Variants in TDRD10 observed in about 807,000 individuals in gnomAD.
TDRD10 encodes tudor domain containing 10, also known as tudor domain-containing protein 10.
In TDRD10, 40 loss-of-function variants were observed where a neutral mutation model predicts 48.0. The observed-to-expected ratio is 0.83, with a 90% CI of 0.65 to 1.09. The LOEUF (loss-of-function observed/expected upper bound fraction) is 1.09, where lower values mean the gene tolerates loss of function less well. Among genes scored for constraint, TDRD10 ranks in the 50% least tolerant of loss-of-function variants. The pLI is 0.00. For missense variants in TDRD10, 378 were observed against 434.7 expected, an observed-to-expected ratio of 0.87 and a Z score of 1.16; for synonymous variants, 162 against 170.4, an observed-to-expected ratio of 0.95 and a Z score of 0.38.
chr1:154,503,759 CG>C (rs144241555), intron 1 of TDRD10, among the ~76,000 whole-genome samples: 3,399 of 152,294 alleles, frequency 0.022, 63 homozygotes, highest in Non-Finnish European at 0.037. Flanking sequence ...CGACTGTGGA[CG>C]GCCTCATTTG....
chr1:154,515,705 G>C, intron 4 of TDRD10, among the ~76,000 whole-genome samples: 1 of 151,986 alleles, frequency 6.6e-6, no homozygotes, highest in East Asian at 1.9e-4. Flanking sequence ...CACCACACCT[G>C]CTGCTTACTC....
Position 154,544,519 on chromosome 1 carries a change from T to C in TDRD10, c.797+2T>C, listed in dbSNP as rs1056418600. 1 of 1,613,392 alleles carries C rather than the reference T, an allele frequency of 6.2e-7. No individual in the cohort carries two copies. Among genetic ancestry groups the C allele is most frequent in the African/African-American group, 1.3e-5 (1 of 74,896 alleles). ...GGATTATGGACACGCCTGGAACAGG[T>C]GTGTGCCTGGGCAGGGGTAGAGTCT... is the stretch of plus-strand genomic sequence containing the variant. On this transcript the variant is annotated splice_donor_variant, in intron 10 of 12. Transcript: ENST00000368482. LOFTEE classifies it high-confidence loss of function.
intron 6 of TDRD10, among the ~76,000 whole-genome samples, chr1:154,523,057 C>G (rs1239032409): frequency 6.6e-6 from 1 of 152,114 alleles, no homozygotes; most frequent in Non-Finnish European, 1.5e-5. Flanking sequence ...GTGTGAACCA[C>G]CATGCCTGGC....
chr1:154,538,546 A>C (rs1251310124), intron 6 of TDRD10, among the ~76,000 whole-genome samples: 43 of 63,906 alleles, frequency 6.7e-4, no homozygotes, highest in African/African-American at 2.0e-3. Flanking sequence ...GCGAAACTCT[A>C]TCTCAAAAAA....
At position 154,521,387 on chromosome 1, in the gene TDRD10, A is replaced by G. The variant is rs762537151; in HGVS notation, c.277A>G (p.Lys93Glu). 6.2e-7 allele frequency: 1 copy of G among 1,614,140 alleles called. No individual in the cohort carries two copies. Among genetic ancestry groups the G allele is most frequent in the South Asian group, 1.1e-5 (1 of 91,082 alleles). Residue 93 changes from lysine (K) to glutamate (E), a missense_variant, in exon 6 of 13, where the codon AAA (lysine) becomes GAA (glutamate). Lys to Glu is a moderately conservative substitution (Grantham distance 56). Transcript: ENST00000368482. ...ACTTGCAATCCAGGAGCTGAATGGT[A>G]AACTCTTCCACAAGCGAAAACTGTT... ...VTLAIQELNG[K>E]LFHKRKLFVN... is the part of the protein sequence containing the mutation.
intron 6 of TDRD10, among the ~76,000 whole-genome samples, chr1:154,532,004 A>G (rs1360722583): frequency 6.6e-6 from 1 of 152,188 alleles, no homozygotes; most frequent in African/African-American, 2.4e-5. Flanking sequence ...TACCCACTAG[A>G]CTCAGGAACC....
At chr1:154,545,073 A>C in intron 11 of TDRD10, 124 bp downstream of exon 11, 2 of 1,323,884 alleles carry the variant, frequency 1.5e-6, no homozygotes, top group Middle Eastern at 2.0e-4. Context: ...CTTTCCACCC[A>C]ACCCCAGTTT....
At chr1:154,507,169 T>G in intron 2 of TDRD10, 72 bp from the exon 3 acceptor site, 1 of 1,495,524 alleles carries the variant, frequency 6.7e-7, no homozygotes, top group Non-Finnish European at 8.9e-7. Flanking sequence ...GCCCCTCTGC[T>G]TATGCCTGAC....
chr1:154,534,470 T>TTAAC (rs1439897787), intron 6 of TDRD10: 1 of 152,278 alleles, frequency 6.6e-6, no homozygotes, highest in East Asian at 1.9e-4. Flanking sequence ...CCTGGTGGTT[T>TTAAC]TCCATAGCCT....
intron 6 of TDRD10, 143 bp downstream of exon 6, chr1:154,521,622 C>A: frequency 1.1e-6 from 1 of 870,000 alleles, no homozygotes; most frequent in South Asian, 1.8e-5. Context: ...AGTCAGGGAA[C>A]TTTTATGACC....
intron 6 of TDRD10, 151 bp from the exon 7 acceptor site, chr1:154,541,873 G>A: frequency 1.5e-6 from 1 of 665,816 alleles, no homozygotes; most frequent in East Asian, 2.8e-5. Flanking sequence ...TGGAGAGAGT[G>A]GACGGATGTC....
At chr1:154,530,399 T>C (rs898242065) in intron 6 of TDRD10, among the ~76,000 whole-genome samples, 1 of 134,232 alleles carries the variant, frequency 7.4e-6, no homozygotes, top group Non-Finnish European at 1.7e-5. Context: ...GGTTTCCTTC[T>C]TTTTTTTTTT....
chr1:154,504,683 T>TACAAAAAA (rs1693044785), intron 1 of TDRD10, among the ~76,000 whole-genome samples: 1 of 152,240 alleles, frequency 6.6e-6, no homozygotes, highest in South Asian at 2.1e-4. Flanking sequence ...TCCAGAGAAA[T>TACAAAAAA]GTCTAGCAGA....
intron 6 of TDRD10, among the ~76,000 whole-genome samples, chr1:154,529,904 G>T (rs1694518763): frequency 6.6e-6 from 1 of 152,144 alleles, no homozygotes; most frequent in Non-Finnish European, 1.5e-5. Context: ...ACTGTTTAGA[G>T]AACTTCCTTT....
chr1:154,507,973 G>A (rs966218346), intron 3 of TDRD10, among the ~76,000 whole-genome samples: 7 of 152,140 alleles, frequency 4.6e-5, no homozygotes, highest in African/African-American at 1.7e-4. Flanking sequence ...CAACCCCGTG[G>A]GTCCCGAAAC....
chr1:154,508,724 C>T (rs1167804481), intron 4 of TDRD10, among the ~76,000 whole-genome samples: 2 of 152,162 alleles, frequency 1.3e-5, no homozygotes, highest in Non-Finnish European at 2.9e-5. Context: ...TCCCTGTATA[C>T]CTGGATGGTT....
At chr1:154,517,717 C>T (rs1438650260) in intron 4 of TDRD10, among the ~76,000 whole-genome samples, 2 of 152,132 alleles carry the variant, frequency 1.3e-5, no homozygotes, top group Non-Finnish European at 2.9e-5. Context: ...CCACCGCGCC[C>T]GGCTTGGACC....
chr1:154,522,132 G>T (rs1172410600), intron 6 of TDRD10, among the ~76,000 whole-genome samples: 1 of 152,166 alleles, frequency 6.6e-6, no homozygotes, highest in African/African-American at 2.4e-5. Context: ...ACAAGTTAGC[G>T]ATTTGTTTTT....
At chr1:154,528,764 TGA>T (rs1350088208) in intron 6 of TDRD10, among the ~76,000 whole-genome samples, 2 of 132,618 alleles carry the variant, frequency 1.5e-5, no homozygotes, top group Admixed American at 1.6e-4. Context: ...TGCAGTGAGC[TGA>T]GATTGCACCA....
Sources: gnomAD v4.1 joint callset for allele counts (sites outside exome capture counted in the v4.1 genomes callset) on GRCh38, gnomAD v4.1.1 for gene constraint, MANE v1.5 for transcripts, NCBI Gene and HGNC (gene_info 2026-07-23, HGNC 2026-07-21) for gene names.